The following LRFN5 variants were observed in gnomAD, a reference collection of about 807,000 sequenced individuals.
The protein encoded by LRFN5 is leucine-rich repeat and fibronectin type-III domain-containing protein 5.
Under a neutral mutation model 45.6 loss-of-function variants are expected in LRFN5, and 24 were observed. The ratio of observed to expected loss-of-function variants is 0.53; its 90% confidence interval spans 0.38 to 0.74. The LOEUF is 0.74. LRFN5 is among the 30% of genes least tolerant of loss of function. The pLI is 0.00. For missense variants in LRFN5, 776 were observed against 861.5 expected, an observed-to-expected ratio of 0.90 and a Z score of 1.24; for synonymous variants, 340 against 313.8, an observed-to-expected ratio of 1.08 and a Z score of -0.88.
At chr14:41,742,649 A>C (rs1261306752) in intron 1 of LRFN5, 5 of 150,088 alleles carry the variant, frequency 3.3e-5, no homozygotes, top group African/African-American at 1.2e-4. Flanking sequence ...GATGGGGCTT[A>C]TGGGGCCATG....
At chr14:41,826,494 T>G (rs1322141514) in intron 2 of LRFN5, among the ~76,000 whole-genome samples, 3 of 152,216 alleles carry the variant, frequency 2.0e-5, no homozygotes, top group African/African-American at 7.2e-5. Context: ...AAAAGTCATT[T>G]ACCATAACTA....
At chr14:41,679,437 TC>T (rs1881786276) in intron 1 of LRFN5, among the ~76,000 whole-genome samples, 3 of 152,044 alleles carry the variant, frequency 2.0e-5, no homozygotes, top group African/African-American at 4.8e-5. Context: ...AGATAAGGCA[TC>T]AGGCAGAGTC....
Position 41,671,622 on chromosome 14 carries a change from T to TG in LRFN5, c.-197+63060_-197+63061insG, listed in dbSNP as rs1450386390. 5.1e-5 allele frequency among the ~76,000 whole-genome samples: 7 copies of TG among 137,106 alleles called. No homozygotes were observed. In the East Asian group the frequency reaches 8.9e-4, roughly 17 times the overall value. 89.9% of individuals were successfully genotyped at this position (137,106 alleles called of 152,430 possible). On this transcript the variant is annotated intron_variant, in intron 1 of 5. Transcript: ENST00000298119. ...AGGAGAGATTTTTTTTTTTCGTTTT[T>TG]TTTTTTTTTTTTTTTACGGAGTTTC... is the stretch of plus-strand genomic sequence containing the variant.
chr14:41,627,689 T>C (rs1888380966), intron 1 of LRFN5, among the ~76,000 whole-genome samples: 1 of 152,194 alleles, frequency 6.6e-6, no homozygotes, highest in South Asian at 2.1e-4. Flanking sequence ...GATATCTCTA[T>C]GTTAATTTAT....
At chr14:41,659,437 T>C (rs1880530749) in intron 1 of LRFN5, among the ~76,000 whole-genome samples, 1 of 152,256 alleles carries the variant, frequency 6.6e-6, no homozygotes, top group Admixed American at 6.5e-5. Context: ...ACATCTTCTT[T>C]ATCCAGTCTA....
At chr14:41,677,841 TC>T (rs1881705099) in intron 1 of LRFN5, among the ~76,000 whole-genome samples, 1 of 152,056 alleles carries the variant, frequency 6.6e-6, no homozygotes, top group Non-Finnish European at 1.5e-5. Flanking sequence ...GGTTGAAACT[TC>T]TCACATTTGA....
rs113014206 is a variant in LRFN5, at chr14:41,693,349, G to A, written c.-196-73505G>A. On this transcript the variant is annotated intron_variant, in intron 1 of 5. Transcript: ENST00000298119. ...GTTGGCATAAAAGATACTTTAAAAC[G>A]TACTTTAACAATATAGAGTCTTCCA... Among the ~76,000 whole-genome samples, 1,400 of 152,072 alleles carry A rather than the reference G, an allele frequency of 9.2e-3. 28 individuals carry two copies. The highest frequency in any genetic ancestry group is 0.032 in the African/African-American group (1,341 of 41,506).
chr14:41,805,737 A>G (rs992841814), intron 2 of LRFN5, among the ~76,000 whole-genome samples: 1 of 152,014 alleles, frequency 6.6e-6, no homozygotes, highest in African/African-American at 2.4e-5. Flanking sequence ...AAAACCAAAC[A>G]CCGTATAAGT....
intron 2 of LRFN5, among the ~76,000 whole-genome samples, chr14:41,833,901 T>A: frequency 6.6e-6 from 1 of 152,202 alleles, no homozygotes; most frequent in East Asian, 1.9e-4. Context: ...AGTTCAGTAT[T>A]TACTTATTAT....
chr14:41,866,306 A>G (rs922674094), intron 2 of LRFN5, among the ~76,000 whole-genome samples: 1 of 152,260 alleles, frequency 6.6e-6, no homozygotes, highest in African/African-American at 2.4e-5. Flanking sequence ...CTTACACTAA[A>G]AAAGAGATCA....
At chr14:41,718,519 A>G (rs1285588616) in intron 1 of LRFN5, among the ~76,000 whole-genome samples, 1 of 152,100 alleles carries the variant, frequency 6.6e-6, no homozygotes, top group Admixed American at 6.6e-5. Flanking sequence ...GTACTTACCT[A>G]TTGTTCATGT....
intron 1 of LRFN5, among the ~76,000 whole-genome samples, chr14:41,690,355 A>G (rs1882323152): frequency 6.6e-6 from 1 of 152,184 alleles, no homozygotes; most frequent in Non-Finnish European, 1.5e-5. Flanking sequence ...GGAGTTCAAG[A>G]TCAGCCTGGC....
At chr14:41,869,649 C>T (rs1345686594) in intron 2 of LRFN5, among the ~76,000 whole-genome samples, 1 of 152,094 alleles carries the variant, frequency 6.6e-6, no homozygotes, top group African/African-American at 2.4e-5. Flanking sequence ...CTCACTGTCC[C>T]ACATGGCTGG....
At chr14:41,780,914 C>T (rs1886458822) in intron 2 of LRFN5, among the ~76,000 whole-genome samples, 1 of 152,044 alleles carries the variant, frequency 6.6e-6, no homozygotes, top group Admixed American at 6.6e-5. Context: ...TAACACTATA[C>T]TATTTTACAA....
At chr14:41,739,649 A>G (rs1376022725) in intron 1 of LRFN5, among the ~76,000 whole-genome samples, 1 of 146,710 alleles carries the variant, frequency 6.8e-6, no homozygotes, top group Non-Finnish European at 1.5e-5. Context: ...TTATACCTCT[A>G]GCAACTAGAA....
chr14:41,758,638 G>T (rs941532432), intron 1 of LRFN5, among the ~76,000 whole-genome samples: 2 of 152,266 alleles, frequency 1.3e-5, no homozygotes, highest in East Asian at 1.9e-4. Flanking sequence ...CAGGGTTACG[G>T]TCTAATAAAA....
At chr14:41,824,921 A>G (rs934401432) in intron 2 of LRFN5, among the ~76,000 whole-genome samples, 13 of 151,618 alleles carry the variant, frequency 8.6e-5, no homozygotes, top group African/African-American at 3.2e-4. Flanking sequence ...AACAATGTCC[A>G]CCTCCCTATC....
intron 2 of LRFN5, among the ~76,000 whole-genome samples, chr14:41,861,506 G>C (rs186819083): frequency 1.3e-5 from 2 of 152,090 alleles, no homozygotes; most frequent in African/African-American, 4.8e-5. Flanking sequence ...GGTTTTAAAA[G>C]CTTCATTTTA....
chr14:41,780,639 G>A (rs72668837), intron 2 of LRFN5, among the ~76,000 whole-genome samples: 2,090 of 152,022 alleles, frequency 0.014, 21 homozygotes, highest in Non-Finnish European at 0.02. Context: ...GAAAATTTAT[G>A]TATTTTATTT....
Sources: allele counts gnomAD v4.1 joint callset (sites outside exome capture counted in the v4.1 genomes callset), GRCh38; gene constraint gnomAD v4.1.1; transcripts MANE v1.5; gene names NCBI Gene and HGNC (gene_info 2026-07-23, HGNC 2026-07-21).